Variants in LAMA4 observed in about 807,000 individuals in gnomAD.
LAMA4 encodes the protein laminin subunit alpha-4.
LAMA4 carries 127 observed loss-of-function variants against 207.1 expected under a neutral mutation model. That is an observed-to-expected ratio of 0.61 (90% CI 0.53 to 0.71). The LOEUF (loss-of-function observed/expected upper bound fraction) is 0.71. Ranked by LOEUF, LAMA4 falls within the 30% of genes least tolerant of loss-of-function variation. The pLI, the probability that LAMA4 is intolerant of heterozygous loss-of-function variation, is 0.00. For synonymous variants in LAMA4, 761 were observed against 816.0 expected, an observed-to-expected ratio of 0.93 and a Z score of 1.15; for missense variants, 2,093 against 2,246.5, an observed-to-expected ratio of 0.93 and a Z score of 1.38.
At chr6:112,140,468 G>A (rs1779624656) in intron 22 of LAMA4, among the ~76,000 whole-genome samples, 1 of 152,172 alleles carries the variant, frequency 6.6e-6, no homozygotes, top group Non-Finnish European at 1.5e-5. Context: ...ACAAGCTACG[G>A]ACCTTCCTGT....
chr6:112,139,609 GTTTT>G (rs1233274584), intron 23 of LAMA4, 139 bp downstream of exon 23: 6 of 997,412 alleles, frequency 6.0e-6, no homozygotes, highest in African/African-American at 1.6e-5. Context: ...CAGGTGAAGA[GTTTT>G]TTGCAGGTAT....
intron 2 of LAMA4, among the ~76,000 whole-genome samples, chr6:112,250,352 G>A (rs1157860693): frequency 2.0e-5 from 3 of 152,184 alleles, no homozygotes; most frequent in Admixed American, 6.5e-5. Flanking sequence ...ATGGGGTCAC[G>A]TATCAACAAG....
At chr6:112,127,698 A>G (rs1778784893) in intron 31 of LAMA4, among the ~76,000 whole-genome samples, 1 of 152,172 alleles carries the variant, frequency 6.6e-6, no homozygotes, top group Non-Finnish European at 1.5e-5. Flanking sequence ...GGTTGAGAAT[A>G]GGCTATCAGG....
chr6:112,147,946 A>G (rs1780131912), intron 18 of LAMA4, among the ~76,000 whole-genome samples: 1 of 152,244 alleles, frequency 6.6e-6, no homozygotes, highest in Admixed American at 6.5e-5. Context: ...TAGTGTTCAT[A>G]CGAAATATAT....
At chr6:112,175,686 G>A (rs530347289) in intron 10 of LAMA4, among the ~76,000 whole-genome samples, 1 of 152,330 alleles carries the variant, frequency 6.6e-6, no homozygotes, top group African/African-American at 2.4e-5. Flanking sequence ...AGAAAGACAC[G>A]AGGAAACCAC....
At position 112,120,355 on chromosome 6, in the gene LAMA4, GT is replaced by G; in HGVS notation, c.4592del (p.Tyr1531SerfsTer10). The G allele has an allele frequency of 6.2e-7, 1 of 1,613,902 alleles. No individual in the cohort carries two copies. The highest frequency in any genetic ancestry group is 8.5e-7 in the Non-Finnish European group (1 of 1,179,908). On this transcript the variant is annotated frameshift_variant, in exon 33 of 39. Coordinates refer to ENST00000230538, the MANE Select transcript of LAMA4 (RefSeq NM_001105206.3). LOFTEE classifies it high-confidence loss of function. ...TLFLAHGRLV[Y>X]MFNVGHKKLK... ...GTTTTTTGTGACCAACATTAAACAT[GT>G]AAACCAAGCGGCCATGGGCCAAAAA...
chr6:112,117,699 A>T lies in LAMA4; in HGVS notation c.4981+40T>A. The T allele has an allele frequency of 6.3e-7, 1 of 1,580,292 alleles. No homozygotes were observed. The highest frequency in any genetic ancestry group is 8.7e-7 in the Non-Finnish European group (1 of 1,154,572). ...TCCCTGTTAGCCATCTCCAGGAAGA[A>T]GCATTTCATGACTCATATTTTTAAC... is the stretch of plus-strand genomic sequence containing the variant. On this transcript the variant is annotated intron_variant, in intron 35 of 38. Coordinates refer to ENST00000230538, the MANE Select transcript of LAMA4 (RefSeq NM_001105206.3). This position sits in a 1 kb window ranked among gnomAD's most constrained non-coding sequence, Gnocchi z 4.5.
At chr6:112,173,668 T>C (rs1781853314) in intron 11 of LAMA4, among the ~76,000 whole-genome samples, 1 of 152,226 alleles carries the variant, frequency 6.6e-6, no homozygotes, top group African/African-American at 2.4e-5. Flanking sequence ...TCTTCTTTGG[T>C]TCTTACTGTT....
intron 2 of LAMA4, among the ~76,000 whole-genome samples, chr6:112,250,499 C>G (rs1344625130): frequency 2.6e-5 from 4 of 152,120 alleles, no homozygotes; most frequent in Non-Finnish European, 5.9e-5. Flanking sequence ...ACAATAATGA[C>G]AACAATAGCA....
At chr6:112,109,620 G>T (rs1554321015) in intron 38 of LAMA4, 38 bp from the exon 39 acceptor site, 1 of 1,610,620 alleles carries the variant, frequency 6.2e-7, no homozygotes, top group South Asian at 1.1e-5. Context: ...GATTGCAATT[G>T]AGGTATTCCA....
intron 2 of LAMA4, 65 bp downstream of exon 2, chr6:112,253,891 G>A: frequency 6.2e-7 from 1 of 1,614,022 alleles, no homozygotes; most frequent in South Asian, 1.1e-5. Flanking sequence ...AGAGAAGGAC[G>A]AGTGTGGCAC....
intron 31 of LAMA4, among the ~76,000 whole-genome samples, chr6:112,128,660 T>C (rs948618087): frequency 1.3e-5 from 2 of 152,188 alleles, no homozygotes; most frequent in Non-Finnish European, 2.9e-5. Context: ...TTTTGCACAT[T>C]GTATACATGT....
At chr6:112,254,416 G>T in intron 1 of LAMA4, 43 bp downstream of exon 1, 1 of 518,880 alleles carries the variant, frequency 1.9e-6, no homozygotes, top group South Asian at 2.1e-5. Flanking sequence ...TCTCCTTCCC[G>T]CAGAGGTTCT....
chr6:112,158,376 TGA>T, intron 14 of LAMA4: 2 of 287,718 alleles, frequency 7.0e-6, no homozygotes, highest in South Asian at 7.6e-5. Flanking sequence ...CTGATTTATT[TGA>T]CAATGTTTTA....
At chr6:112,225,515 C>A (rs558233954) in intron 2 of LAMA4, among the ~76,000 whole-genome samples, 104 of 152,154 alleles carry the variant, frequency 6.8e-4, no homozygotes, top group Admixed American at 1.2e-3. Flanking sequence ...AGTTATCTTA[C>A]CTTTCAGAGT....
At position 112,158,846 on chromosome 6, in the gene LAMA4, G is replaced by C; in HGVS notation, c.1703C>G (p.Ala568Gly). ...ASGIYAEIDG[A>G]KSELQVKLSN... ...TAGTTTTACTTGTAGTTCACTTTTG[G>C]CTCCATCTATTTCTGCATAAATCCC... is the stretch of plus-strand genomic sequence containing the variant. Residue 568 changes from alanine (A) to glycine (G), a missense_variant, in exon 14 of 39, where the codon GCC becomes GGC. Transcript: ENST00000230538. The C allele has an allele frequency of 6.2e-7, 1 of 1,611,958 alleles. No individual in the cohort carries two copies. Among genetic ancestry groups the C allele is most frequent in the South Asian group, 1.1e-5 (1 of 91,022 alleles).
intron 9 of LAMA4, among the ~76,000 whole-genome samples, chr6:112,180,348 A>T (rs182748667): frequency 3.3e-5 from 5 of 152,308 alleles, no homozygotes; most frequent in Admixed American, 1.3e-4. Context: ...TGTATATATG[A>T]CTGGATCAGT....
intron 2 of LAMA4, among the ~76,000 whole-genome samples, chr6:112,239,545 T>G (rs531706778): frequency 6.6e-6 from 1 of 152,120 alleles, no homozygotes; most frequent in Non-Finnish European, 1.5e-5. Context: ...ATTCCCCCAT[T>G]CAGGTTACAA....
intron 2 of LAMA4, among the ~76,000 whole-genome samples, chr6:112,239,059 GC>G (rs1554367139): frequency 6.6e-6 from 1 of 152,158 alleles, no homozygotes; most frequent in East Asian, 1.9e-4. Context: ...GGTGGCTCAT[GC>G]CTGTAATCCC....
Sources: allele counts gnomAD v4.1 joint callset (sites outside exome capture counted in the v4.1 genomes callset), GRCh38; gene constraint gnomAD v4.1.1; non-coding constraint Gnocchi (gnomAD v3.1); transcripts MANE v1.5; gene names NCBI Gene and HGNC (gene_info 2026-07-23, HGNC 2026-07-21).